PPP2R2B: variants seen among roughly 807,000 people sequenced by gnomAD.
PPP2R2B encodes the protein serine/threonine-protein phosphatase 2A 55 kDa regulatory subunit B beta isoform.
A neutral mutation model predicts 46.0 loss-of-function variants in PPP2R2B; 5 were observed. The observed-to-expected ratio is 0.11, with a 90% CI of 0.06 to 0.23. The LOEUF is 0.23. PPP2R2B is among the 10% of genes least tolerant of loss of function. The pLI, the probability that PPP2R2B is intolerant of heterozygous loss-of-function variation, is 1.00. For missense variants in PPP2R2B, 367 were observed against 575.0 expected, an observed-to-expected ratio of 0.64 and a Z score of 3.70; for synonymous variants, 215 against 206.7, an observed-to-expected ratio of 1.04 and a Z score of -0.34.
At chr5:146,943,019 G>A (rs1172736834) in intron 1 of PPP2R2B, among the ~76,000 whole-genome samples, 2 of 152,142 alleles carry the variant, frequency 1.3e-5, no homozygotes, top group South Asian at 2.1e-4. Flanking sequence ...GGATGGTCTC[G>A]ATCTCCTGAA....
At position 146,588,132 on chromosome 5, in the gene PPP2R2B, T is replaced by G. The variant is rs1361511467; in HGVS notation, c.*1815A>C. On this transcript the variant is annotated 3_prime_UTR_variant, in exon 10 of 10. Coordinates refer to ENST00000394411, the MANE Select transcript of PPP2R2B (RefSeq NM_181675.4). ...CAGAGAGTTTACACCTTAGCCACTT[T>G]ACTTGAGATGCCTAAGGCGAGGCTT... 6.6e-6 allele frequency: 1 copy of G among 152,138 alleles called. No individual in the cohort carries two copies. Among genetic ancestry groups the G allele is most frequent in the Non-Finnish European group, 1.5e-5 (1 of 68,016 alleles). The allele number at this position is 152,138 out of a possible 1,614,324, so 9.4% of individuals were successfully genotyped here. A position where few individuals can be genotyped will look rare whatever the true frequency, so the allele number is the denominator to read the frequency against.
At chr5:146,761,399 C>T (rs2151253761) in intron 2 of PPP2R2B, among the ~76,000 whole-genome samples, 1 of 152,218 alleles carries the variant, frequency 6.6e-6, no homozygotes, top group Admixed American at 6.5e-5. Flanking sequence ...TCATTCTCAG[C>T]AAACTATCAC....
intron 2 of PPP2R2B, chr5:146,706,703 A>G: frequency 1.2e-6 from 1 of 865,614 alleles, no homozygotes; most frequent in Non-Finnish European, 2.0e-6. Flanking sequence ...GGTTCATCTC[A>G]GAGATCTCAG....
At chr5:146,823,336 T>C (rs1435133853) in intron 2 of PPP2R2B, among the ~76,000 whole-genome samples, 1 of 152,130 alleles carries the variant, frequency 6.6e-6, no homozygotes, top group African/African-American at 2.4e-5. Context: ...TAGCTGGGAC[T>C]ACAGGCGCCC....
At chr5:146,933,739 C>A (rs966740353) in intron 1 of PPP2R2B, among the ~76,000 whole-genome samples, 74 of 149,610 alleles carry the variant, frequency 4.9e-4, no homozygotes, top group African/African-American at 1.6e-3. Flanking sequence ...TGTGCAGGTT[C>A]GTTACATATG....
intron 7 of PPP2R2B, among the ~76,000 whole-genome samples, chr5:146,617,486 C>A (rs1347999475): frequency 6.6e-6 from 1 of 152,100 alleles, no homozygotes; most frequent in Non-Finnish European, 1.5e-5. Flanking sequence ...AATATATACA[C>A]CTCTGTACCC....
intron 2 of PPP2R2B, among the ~76,000 whole-genome samples, chr5:146,714,698 A>G (rs952648463): frequency 1.1e-4 from 16 of 152,216 alleles, no homozygotes; most frequent in African/African-American, 3.4e-4. Context: ...TTCTCTTCAT[A>G]TAAGGTTTAA....
In PPP2R2B at chr5:146,878,470, C is replaced by T. The variant is rs1762035912; in HGVS notation, c.-125+121G>A. On this transcript the variant is annotated intron_variant, in intron 1 of 9. Transcript: ENST00000394411. The surrounding 1 kb of genome is among the most constrained non-coding windows in gnomAD (Gnocchi z 4.5). The stretch of plus-strand genomic sequence containing the variant: ...CCCAACAGGTTCCCCTCCTTGGCAG[C>T]CGCTCCAAAATGCAAAAAAGATCCC... The T allele has an allele frequency of 5.9e-6, 8 of 1,363,226 alleles. No individual in the cohort carries two copies. The highest frequency in any genetic ancestry group is 7.6e-6 in the Non-Finnish European group (8 of 1,055,302). The allele number at this position is 1,363,226 out of a possible 1,614,324, so 84.4% of individuals were successfully genotyped here. A position where few individuals can be genotyped will look rare whatever the true frequency, so the allele number is the denominator to read the frequency against.
chr5:146,972,319 G>C (rs1040327346), intron 1 of PPP2R2B, among the ~76,000 whole-genome samples: 1 of 152,166 alleles, frequency 6.6e-6, no homozygotes. Context: ...GTGGATTTAA[G>C]GTAGTGTTTG....
chr5:146,701,176 C>G, intron 2 of PPP2R2B, 34 bp from the exon 3 acceptor site: 1 of 1,478,594 alleles, frequency 6.8e-7, no homozygotes, highest in Non-Finnish European at 9.5e-7. Context: ...ATTTAAGTAA[C>G]TGCACACTTA....
intron 1 of PPP2R2B, among the ~76,000 whole-genome samples, chr5:147,051,231 G>A (rs543493521): frequency 6.6e-6 from 1 of 152,278 alleles, no homozygotes; most frequent in South Asian, 2.1e-4. Context: ...TTGAGTCTTG[G>A]CTCTACCACT....
At chr5:146,773,730 A>T (rs890016266) in intron 2 of PPP2R2B, among the ~76,000 whole-genome samples, 2 of 152,102 alleles carry the variant, frequency 1.3e-5, no homozygotes, top group African/African-American at 4.8e-5. Flanking sequence ...TTAAGGCACA[A>T]CTCAACAGCT....
rs1775522664 is a variant in PPP2R2B, at chr5:146,645,485, C to T, written c.625+5062G>A. ...TATGTATTGGGCAGGGTGAAAGCCA[C>T]TGAAGCAGCAACAGGGGAGAAACTT... On this transcript the variant is annotated intron_variant, in intron 6 of 9. Transcript: ENST00000394411. Among the ~76,000 whole-genome samples, 4 of 152,298 alleles carry T rather than the reference C, an allele frequency of 2.6e-5. 1 individual carries two copies. The South Asian group carries it at 8.3e-4, about 32-fold the overall frequency.
chr5:146,796,124 C>A (rs977786503), intron 2 of PPP2R2B, among the ~76,000 whole-genome samples: 2 of 152,056 alleles, frequency 1.3e-5, no homozygotes, highest in Admixed American at 6.6e-5. Flanking sequence ...ACAGAAAACA[C>A]CCATATAAAA....
At chr5:146,801,931 T>G (rs903592154) in intron 2 of PPP2R2B, among the ~76,000 whole-genome samples, 2 of 152,204 alleles carry the variant, frequency 1.3e-5, no homozygotes, top group Admixed American at 6.5e-5. Context: ...CATGCTGGAA[T>G]GAAAGGGAGG....
At chr5:146,897,693 G>T (rs1174797977) in intron 1 of PPP2R2B, among the ~76,000 whole-genome samples, 2 of 152,050 alleles carry the variant, frequency 1.3e-5, no homozygotes, top group Non-Finnish European at 2.9e-5. Context: ...GATACTTTTA[G>T]GGCCAGAAAT....
intron 1 of PPP2R2B, among the ~76,000 whole-genome samples, chr5:146,901,820 A>T (rs568214): frequency 6.6e-6 from 1 of 151,872 alleles, no homozygotes; most frequent in African/African-American, 2.4e-5. Context: ...CGGTGTGATG[A>T]GTGGTTGCAT....
intron 1 of PPP2R2B, among the ~76,000 whole-genome samples, chr5:146,889,613 A>T (rs1762433353): frequency 6.6e-6 from 1 of 152,160 alleles, no homozygotes; most frequent in Admixed American, 6.5e-5. Flanking sequence ...TTGCAATTGG[A>T]ACTCTCCCAG....
chr5:146,748,661 C>G (rs1297560785), intron 2 of PPP2R2B, among the ~76,000 whole-genome samples: 2 of 152,110 alleles, frequency 1.3e-5, no homozygotes, highest in Non-Finnish European at 2.9e-5. Context: ...TTTTTTTTCC[C>G]TCAATATTTT....
Sources: gnomAD v4.1 joint callset for allele counts (sites outside exome capture counted in the v4.1 genomes callset) on GRCh38, gnomAD v4.1.1 for gene constraint, Gnocchi (gnomAD v3.1) non-coding constraint, MANE v1.5 for transcripts, NCBI Gene and HGNC (gene_info 2026-07-23, HGNC 2026-07-21) for gene names.